Variants in GRIN2B observed in about 807,000 individuals in gnomAD.
GRIN2B encodes glutamate ionotropic receptor NMDA type subunit 2B, also known as glutamate receptor ionotropic, NMDA 2B.
In GRIN2B, 5 loss-of-function variants were observed where a neutral mutation model predicts 114.5. That is an observed-to-expected ratio of 0.04 (90% CI 0.02 to 0.09). GRIN2B has a LOEUF of 0.09. GRIN2B is among the 10% of genes least tolerant of loss of function. The pLI is 1.00. For synonymous variants in GRIN2B, 787 were observed against 745.1 expected (o/e 1.06, Z -0.92); for missense variants, 1,108 against 1,943.5 (o/e 0.57, Z 8.08).
At position 13,669,780 on chromosome 12, in the gene GRIN2B, G is replaced by A. The variant is rs549279294; in HGVS notation, c.1125+5965C>T. Among the ~76,000 whole-genome samples, 9 of 152,208 alleles carry A rather than the reference G, an allele frequency of 5.9e-5. No individual in the cohort carries two copies. In the East Asian group the frequency reaches 7.7e-4, roughly 13 times the overall value. On this transcript the variant is annotated intron_variant, in intron 5 of 13. Transcript: ENST00000609686. ...ATGGAGGAGCTGTTTTATTTTGCCA[G>A]TCAAAAGCTTTCAAGTAATATCAAT... is the stretch of plus-strand genomic sequence containing the variant.
intron 8 of GRIN2B, among the ~76,000 whole-genome samples, chr12:13,613,949 C>T (rs1026877341): frequency 8.6e-5 from 12 of 139,066 alleles, no homozygotes; most frequent in Non-Finnish European, 1.2e-4. Flanking sequence ...TAGTGCTATA[C>T]TGACAAGGTT....
intron 2 of GRIN2B, among the ~76,000 whole-genome samples, chr12:13,941,399 C>T (rs112628181): frequency 1.3e-5 from 2 of 152,220 alleles, no homozygotes; most frequent in South Asian, 4.1e-4. Flanking sequence ...AGGCAGGTTG[C>T]CAAACCCTCC....
chr12:13,727,228 G>A (rs1046558259), intron 4 of GRIN2B, among the ~76,000 whole-genome samples: 4 of 152,088 alleles, frequency 2.6e-5, no homozygotes, highest in Middle Eastern at 3.2e-3. Context: ...CATATGCCAC[G>A]ACAAGGTAGG....
chr12:13,743,915 T>C, intron 4 of GRIN2B, among the ~76,000 whole-genome samples: 1 of 152,216 alleles, frequency 6.6e-6, no homozygotes, highest in East Asian at 1.9e-4. Flanking sequence ...ATAATCTCTT[T>C]TGGAAAATTG....
chr12:13,781,317 A>G (rs1169485559), intron 3 of GRIN2B, among the ~76,000 whole-genome samples: 1 of 152,258 alleles, frequency 6.6e-6, no homozygotes, highest in Non-Finnish European at 1.5e-5. Context: ...CCAACTTCAT[A>G]AAGAACACAT....
At chr12:13,851,354 C>T (rs1458323348) in intron 3 of GRIN2B, among the ~76,000 whole-genome samples, 1 of 152,060 alleles carries the variant, frequency 6.6e-6, no homozygotes, top group Non-Finnish European at 1.5e-5. Flanking sequence ...TCCAACTCTT[C>T]TTTCTCCTTC....
chr12:13,726,581 A>G (rs1862992237), intron 4 of GRIN2B, among the ~76,000 whole-genome samples: 1 of 147,758 alleles, frequency 6.8e-6, no homozygotes, highest in Admixed American at 6.8e-5. Flanking sequence ...ATAAATATAT[A>G]TATAAATATA....
intron 3 of GRIN2B, among the ~76,000 whole-genome samples, chr12:13,821,383 A>G (rs1377126390): frequency 4.6e-5 from 7 of 152,172 alleles, no homozygotes; most frequent in Non-Finnish European, 8.8e-5. Context: ...CTTGGCCCCA[A>G]ATCTGAACTG....
At chr12:13,916,793 T>A (rs1477432776) in intron 2 of GRIN2B, among the ~76,000 whole-genome samples, 1 of 147,402 alleles carries the variant, frequency 6.8e-6, no homozygotes, top group East Asian at 2.0e-4. Flanking sequence ...AGGATGACAA[T>A]GGGCTCAAAG....
chr12:13,895,946 A>T (rs1335703750), intron 2 of GRIN2B, among the ~76,000 whole-genome samples: 2 of 151,816 alleles, frequency 1.3e-5, no homozygotes, highest in Non-Finnish European at 2.9e-5. Context: ...GAATAACTAA[A>T]CTCCCTTTAT....
intron 3 of GRIN2B, among the ~76,000 whole-genome samples, chr12:13,771,062 T>G (rs186326503): frequency 1.3e-4 from 20 of 152,290 alleles, no homozygotes; most frequent in Admixed American, 1.3e-3. Context: ...AATTCCCATA[T>G]GTCATAGGAG....
intron 10 of GRIN2B, among the ~76,000 whole-genome samples, chr12:13,605,551 TGACACACACACA>T (rs1381446404): frequency 3.3e-4 from 10 of 30,504 alleles, no homozygotes; most frequent in African/African-American, 1.0e-3. Context: ...TCTCTCTCTC[TGACACACACACA>T]CACACACACA....
intron 5 of GRIN2B, among the ~76,000 whole-genome samples, chr12:13,672,047 G>A (rs1037833728): frequency 5.9e-5 from 9 of 152,146 alleles, no homozygotes; most frequent in African/African-American, 1.9e-4. Context: ...TGACAGGAAT[G>A]ACAAATATGT....
intron 5 of GRIN2B, among the ~76,000 whole-genome samples, chr12:13,662,618 TG>T (rs2136528209): frequency 6.6e-6 from 1 of 152,274 alleles, no homozygotes; most frequent in African/African-American, 2.4e-5. Flanking sequence ...GGGAACTTGT[TG>T]GTCTTGTTCA....
chr12:13,907,792 A>T (rs199815562), intron 2 of GRIN2B, among the ~76,000 whole-genome samples: 10 of 176 alleles, frequency 0.057, no homozygotes, highest in African/African-American at 0.083. Context: ...CAATTTTTTT[A>T]AAAAAAAGTA....
chr12:13,763,916 A>T (rs1050850944), intron 3 of GRIN2B, among the ~76,000 whole-genome samples: 2 of 152,126 alleles, frequency 1.3e-5, no homozygotes, highest in South Asian at 4.1e-4. Context: ...TTTTTCTTTT[A>T]CTCATTTATG....
At chr12:13,764,183 CAAAA>C (rs111977459) in intron 3 of GRIN2B, among the ~76,000 whole-genome samples, 1 of 106,444 alleles carries the variant, frequency 9.4e-6, no homozygotes. Context: ...ATATCCATAC[CAAAA>C]AAAAAAAAAA....
chr12:13,696,590 G>A (rs1008521590), intron 4 of GRIN2B, among the ~76,000 whole-genome samples: 10 of 152,136 alleles, frequency 6.6e-5, no homozygotes, highest in Non-Finnish European at 1.3e-4. Flanking sequence ...ACTCCAATAT[G>A]TGCCAGACCT....
chr12:13,610,565 A>T lies in GRIN2B; in HGVS notation c.1780+1160T>A, dbSNP rs12318041. Reference sequence around the variant, plus strand: ...TTGTACCATGCCATGGAGACACCCCAACTCCCACCTCAGAATACACAAACC... The same window carrying T: ...TTGTACCATGCCATGGAGACACCCCTACTCCCACCTCAGAATACACAAACC... On this transcript the variant is annotated intron_variant, in intron 9 of 13. Transcript: ENST00000609686. 5.9e-3 allele frequency among the ~76,000 whole-genome samples: 904 copies of T among 152,264 alleles called. 9 individuals are homozygous for T. Among genetic ancestry groups the T allele is most frequent in the African/African-American group, 0.021 (860 of 41,554 alleles).
Sources: gnomAD v4.1 joint callset for allele counts (sites outside exome capture counted in the v4.1 genomes callset) on GRCh38, gnomAD v4.1.1 for gene constraint, MANE v1.5 for transcripts, NCBI Gene and HGNC (gene_info 2026-07-23, HGNC 2026-07-21) for gene names.